The following DCDC2C variants were observed in gnomAD, a reference collection of about 807,000 sequenced individuals.
DCDC2C encodes doublecortin domain-containing protein 2C.
DCDC2C carries 44 observed loss-of-function variants against 45.0 expected under a neutral mutation model. The observed-to-expected ratio is 0.98, with a 90% confidence interval of 0.77 to 1.26. The LOEUF is 1.26. Among genes scored for constraint, DCDC2C ranks in the 50% most tolerant of loss-of-function variants. The pLI, the probability that DCDC2C is intolerant of heterozygous loss-of-function variation, is 0.00. For missense variants in DCDC2C, 447 were observed against 468.9 expected (o/e 0.95, Z 0.43); for synonymous variants, 187 against 178.8 (o/e 1.05, Z -0.37).
At chr2:3,706,239 A>C (rs919269490) in intron 1 of DCDC2C, among the ~76,000 whole-genome samples, 1 of 152,226 alleles carries the variant, frequency 6.6e-6, no homozygotes. Context: ...AAGCCTGTTG[A>C]TATATTAGTG....
At chr2:3,754,705 C>G (rs1055641518) in intron 6 of DCDC2C, 71 bp downstream of exon 6, 1 of 1,381,274 alleles carries the variant, frequency 7.2e-7, no homozygotes, top group African/African-American at 1.4e-5. Context: ...AACAAGGGCA[C>G]AGCGCAGGGT....
At chr2:3,805,314 G>A (rs747957984) in intron 10 of DCDC2C, among the ~76,000 whole-genome samples, 6 of 152,214 alleles carry the variant, frequency 3.9e-5, no homozygotes, top group Non-Finnish European at 8.8e-5. Context: ...TGATGAGTCC[G>A]ACCCCTGGTG....
At chr2:3,758,043 T>C (rs1434017805) in intron 6 of DCDC2C, among the ~76,000 whole-genome samples, 1 of 152,220 alleles carries the variant, frequency 6.6e-6, no homozygotes, top group African/African-American at 2.4e-5. Flanking sequence ...CAATGGACTA[T>C]ATCTACTTGA....
chr2:3,785,036 C>G (rs1245886353), intron 9 of DCDC2C, 23 bp from the exon 10 acceptor site: 1 of 1,229,782 alleles, frequency 8.1e-7, no homozygotes, highest in African/African-American at 1.6e-5. Flanking sequence ...TAGTTGATTC[C>G]TATATTTGTT....
intron 2 of DCDC2C, among the ~76,000 whole-genome samples, chr2:3,723,319 A>G (rs1480423461): frequency 1.3e-5 from 2 of 152,166 alleles, no homozygotes; most frequent in African/African-American, 4.8e-5. Flanking sequence ...AAGTGCTTGG[A>G]TGAAAGTAAC....
At chr2:3,714,441 G>A (rs1668297658) in intron 2 of DCDC2C, among the ~76,000 whole-genome samples, 1 of 152,122 alleles carries the variant, frequency 6.6e-6, no homozygotes, top group Admixed American at 6.5e-5. Context: ...ATCTCAAGTT[G>A]TAGAGATTTA....
At chr2:3,739,765 C>A (rs1669148610) in intron 3 of DCDC2C, among the ~76,000 whole-genome samples, 1 of 152,248 alleles carries the variant, frequency 6.6e-6, no homozygotes, top group African/African-American at 2.4e-5. Context: ...GGATACAAAG[C>A]CCTTTGTTCT....
chr2:3,719,227 A>G (rs1668428965), intron 2 of DCDC2C, among the ~76,000 whole-genome samples: 1 of 152,062 alleles, frequency 6.6e-6, no homozygotes, highest in African/African-American at 2.4e-5. Flanking sequence ...CTGGGACTAC[A>G]GGTGCCCGCC....
chr2:3,725,280 G>A (rs553342297), intron 2 of DCDC2C, among the ~76,000 whole-genome samples: 32 of 152,306 alleles, frequency 2.1e-4, no homozygotes, highest in Non-Finnish European at 4.6e-4. Flanking sequence ...CATGTGCCCT[G>A]GAGGTGGAGA....
chr2:3,710,796 T>C (rs1330761685), intron 2 of DCDC2C, among the ~76,000 whole-genome samples: 1 of 152,242 alleles, frequency 6.6e-6, no homozygotes, highest in Non-Finnish European at 1.5e-5. Flanking sequence ...ATCCATGTTC[T>C]TTTTTATGGC....
intron 6 of DCDC2C, among the ~76,000 whole-genome samples, chr2:3,763,019 G>A (rs116610480): frequency 0.012 from 1,836 of 152,176 alleles, 16 homozygotes; most frequent in Non-Finnish European, 0.02. Context: ...ATCCTGAGGG[G>A]ACATGGACCT....
intron 2 of DCDC2C, among the ~76,000 whole-genome samples, chr2:3,712,488 CAAA>C (rs34271207): frequency 7.4e-4 from 85 of 115,006 alleles, no homozygotes; most frequent in African/African-American, 2.3e-3. Context: ...CCTATCTCTA[CAAA>C]AAAAAAAAAA....
intron 8 of DCDC2C, among the ~76,000 whole-genome samples, chr2:3,772,239 C>T (rs1195220151): frequency 1.3e-5 from 2 of 152,138 alleles, no homozygotes; most frequent in South Asian, 4.1e-4. Flanking sequence ...GCACAGCATC[C>T]GAGCATCCAT....
At chr2:3,738,190 A>G (rs1229570932) in intron 3 of DCDC2C, among the ~76,000 whole-genome samples, 2 of 152,258 alleles carry the variant, frequency 1.3e-5, no homozygotes, top group African/African-American at 4.8e-5. Context: ...TAAGAAATAA[A>G]TAATTCAGTG....
At chr2:3,708,131 C>T (rs1425779169) in intron 1 of DCDC2C, among the ~76,000 whole-genome samples, 8 of 150,106 alleles carry the variant, frequency 5.3e-5, no homozygotes, top group Non-Finnish European at 1.2e-4. Context: ...CAGGAGGGAG[C>T]GGTGGGGGTG....
At chr2:3,705,788 T>A (rs571250718) in intron 1 of DCDC2C, among the ~76,000 whole-genome samples, 171 of 152,016 alleles carry the variant, frequency 1.1e-3, no homozygotes, top group African/African-American at 3.9e-3. Flanking sequence ...GCAAAAATAT[T>A]GAGAAAAAAT....
intron 3 of DCDC2C, among the ~76,000 whole-genome samples, chr2:3,728,573 A>C (rs1005694103): frequency 2.0e-5 from 3 of 152,052 alleles, no homozygotes; most frequent in Admixed American, 2.0e-4. Flanking sequence ...TGAGAAACCA[A>C]CACAGTCTTG....
intron 10 of DCDC2C, among the ~76,000 whole-genome samples, chr2:3,825,056 C>T (rs1671780247): frequency 6.6e-6 from 1 of 152,168 alleles, no homozygotes; most frequent in South Asian, 2.1e-4. Flanking sequence ...AGCCTTGTCC[C>T]CTAGTGGGAG....
chr2:3,704,201 C>A, intron 1 of DCDC2C, 163 bp downstream of exon 1: 1 of 633,536 alleles, frequency 1.6e-6, no homozygotes, highest in Non-Finnish European at 2.3e-6. Flanking sequence ...CGGGCCGCCC[C>A]AGGCCACGTG....
Sources: gnomAD v4.1 joint callset for allele counts (sites outside exome capture counted in the v4.1 genomes callset) on GRCh38, gnomAD v4.1.1 for gene constraint, MANE v1.5 for transcripts, NCBI Gene and HGNC (gene_info 2026-07-23, HGNC 2026-07-21) for gene names.